Variants in SAP30BP observed in about 807,000 individuals in gnomAD.
SAP30BP encodes SAP30-binding protein.
A neutral mutation model predicts 46.3 loss-of-function variants in SAP30BP; 31 were observed. That is an observed-to-expected ratio of 0.67 (90% CI 0.50 to 0.90). The LOEUF is 0.90. Among genes scored for constraint, SAP30BP ranks in the 40% least tolerant of loss-of-function variants. The pLI, the probability that SAP30BP is intolerant of heterozygous loss-of-function variation, is 0.00. For missense variants in SAP30BP, 312 were observed against 391.0 expected (o/e 0.80, Z 1.70); for synonymous variants, 169 against 144.2 (o/e 1.17, Z -1.23).
chr17:75,705,664 T>C, intron 9 of SAP30BP: 3 of 1,117,814 alleles, frequency 2.7e-6, no homozygotes, highest in Non-Finnish European at 3.3e-6. Flanking sequence ...GTCCTTCCCC[T>C]GTGCGGGCGG....
At chr17:75,691,413 C>T (rs1178131070) in intron 3 of SAP30BP, 2 of 456,720 alleles carry the variant, frequency 4.4e-6, no homozygotes, top group Non-Finnish European at 8.8e-6. Context: ...TCAACAACCT[C>T]AGCTGAGCCT....
At chr17:75,674,598 C>T (rs2059955811) in intron 3 of SAP30BP, among the ~76,000 whole-genome samples, 1 of 150,544 alleles carries the variant, frequency 6.6e-6, no homozygotes, top group East Asian at 2.0e-4. Flanking sequence ...GCCCAGCCCA[C>T]ATTTTTTTAA....
chr17:75,669,283 G>A (rs1411488481), intron 2 of SAP30BP, among the ~76,000 whole-genome samples: 2 of 151,832 alleles, frequency 1.3e-5, no homozygotes, highest in Non-Finnish European at 2.9e-5. Flanking sequence ...TTGCTCTGTC[G>A]CCCATGCTGG....
rs2060503233 is a variant in SAP30BP, at chr17:75,706,749, G to A, written c.*228G>A. 6 of 563,258 alleles carry A rather than the reference G, an allele frequency of 1.1e-5. No homozygotes were observed. The highest frequency in any genetic ancestry group is 2.2e-5 in the South Asian group (1 of 44,918). 34.9% of individuals were successfully genotyped at this position (563,258 alleles called of 1,614,324 possible). On this transcript the variant is annotated 3_prime_UTR_variant, in exon 11 of 11. Transcript: ENST00000584667. The surrounding 1 kb of genome is among the most constrained non-coding windows in gnomAD (Gnocchi z 4.6). ...GGGTCTGCCGCCTATTAAAAGTGCC[G>A]TATTCTTACCTCTTGGCATCTCAGA...
At chr17:75,703,184 T>C (rs2060440656) in intron 6 of SAP30BP, 127 bp from the exon 7 acceptor site, 2 of 831,504 alleles carry the variant, frequency 2.4e-6, no homozygotes, top group Non-Finnish European at 3.9e-6. Flanking sequence ...TCAGGAAGCT[T>C]GCTTAGAGCA....
At chr17:75,672,154 TG>T in intron 3 of SAP30BP, 2 of 412,818 alleles carry the variant, frequency 4.8e-6, no homozygotes, top group Non-Finnish European at 9.1e-6. Context: ...GCATCCCAGA[TG>T]GGGCTTTAAG....
At chr17:75,687,963 A>T (rs1225632913) in intron 3 of SAP30BP, among the ~76,000 whole-genome samples, 1,734 of 121,372 alleles carry the variant, frequency 0.014, 42 homozygotes, top group African/African-American at 0.051. Flanking sequence ...TGTGAGAGAG[A>T]CAGAGAGAGG....
chr17:75,693,547 C>T, intron 4 of SAP30BP, 65 bp downstream of exon 4: 1 of 1,476,624 alleles, frequency 6.8e-7, no homozygotes, highest in Non-Finnish European at 9.4e-7. Context: ...GGCTTCCAGC[C>T]ATGCCAGGCC....
chr17:75,674,046 G>A (rs895882158), intron 3 of SAP30BP, among the ~76,000 whole-genome samples: 5 of 152,168 alleles, frequency 3.3e-5, no homozygotes, highest in African/African-American at 7.2e-5. Flanking sequence ...GGGTGATGGA[G>A]AAGGGTTTAG....
chr17:75,690,684 C>G (rs1209608391), intron 3 of SAP30BP: 2 of 456,544 alleles, frequency 4.4e-6, no homozygotes, highest in African/African-American at 4.0e-5. Context: ...AAGCTCGGCA[C>G]AGTGACAGAG....
At position 75,668,619 on chromosome 17, in the gene SAP30BP, A is replaced by G; in HGVS notation, c.210A>G (p.Arg70=). The G allele has an allele frequency of 6.3e-7, 1 of 1,586,572 alleles. No individual in the cohort carries two copies. The highest frequency in any genetic ancestry group is 8.6e-7 in the Non-Finnish European group (1 of 1,163,418). Residue 70 remains arginine, a synonymous_variant, in exon 2 of 11, where the codon AGA becomes AGG. Coordinates refer to ENST00000584667, the MANE Select transcript of SAP30BP (RefSeq NM_013260.8). ...AAGAAGAAGAAGATGAGAACAGTAG[A>G]CAGTCGGTAGGTAAATCTCCCAGAT... ...GYEEEEDENS[R]QSEDDDSETE...
At chr17:75,681,995 C>T (rs948106861) in intron 3 of SAP30BP, among the ~76,000 whole-genome samples, 10 of 151,524 alleles carry the variant, frequency 6.6e-5, no homozygotes, top group Middle Eastern at 3.2e-3. Context: ...CTCTGCAGAA[C>T]GAAAGAGCAA....
At chr17:75,701,955 C>T (rs909422128) in intron 5 of SAP30BP, among the ~76,000 whole-genome samples, 1 of 152,162 alleles carries the variant, frequency 6.6e-6, no homozygotes, top group African/African-American at 2.4e-5. Flanking sequence ...GTGAAAGCAG[C>T]CTGGTCTCGG....
chr17:75,674,615 G>A (rs149290119), intron 3 of SAP30BP, among the ~76,000 whole-genome samples: 1 of 148,772 alleles, frequency 6.7e-6, no homozygotes, highest in Non-Finnish European at 1.5e-5. Context: ...TTAAATTGAT[G>A]TGTAACAATA....
At chr17:75,703,983 G>C in intron 8 of SAP30BP, 124 bp downstream of exon 8, 1 of 799,290 alleles carries the variant, frequency 1.3e-6, no homozygotes. Flanking sequence ...ATGTTCAAGG[G>C]GGCTGGGTAC....
chr17:75,705,668 C>T (rs1010276771), intron 9 of SAP30BP: 10 of 1,122,970 alleles, frequency 8.9e-6, no homozygotes, highest in African/African-American at 8.1e-5. Flanking sequence ...TTCCCCTGTG[C>T]GGGCGGGCAC....
intron 3 of SAP30BP, among the ~76,000 whole-genome samples, chr17:75,687,972 G>T (rs1383290108): frequency 6.7e-6 from 1 of 149,852 alleles, no homozygotes; most frequent in Non-Finnish European, 1.5e-5. Flanking sequence ...GACAGAGAGA[G>T]GTCAGTGCTT....
In SAP30BP at chr17:75,667,490, G is replaced by GT. The variant is rs776540073; in HGVS notation, c.106+13dup. The stretch of plus-strand genomic sequence containing the variant: ...GGGCAGCGCGGCTGGTAAGGCCCAA[G>GT]TGCGAAGCTGGAAGGGGGAATCGGG... On this transcript the variant is annotated intron_variant, in intron 1 of 10. Coordinates refer to ENST00000584667, the MANE Select transcript of SAP30BP (RefSeq NM_013260.8). 1.2e-6 allele frequency: 2 copies of GT among 1,613,032 alleles called. No individual in the cohort carries two copies. The highest frequency in any genetic ancestry group is 2.7e-5 in the African/African-American group (2 of 75,044).
chr17:75,687,162 T>C (rs2060169030), intron 3 of SAP30BP, among the ~76,000 whole-genome samples: 1 of 152,224 alleles, frequency 6.6e-6, no homozygotes, highest in African/African-American at 2.4e-5. Flanking sequence ...CCTAAACTTA[T>C]TCCCCTAGAT....
Sources: allele counts gnomAD v4.1 joint callset (sites outside exome capture counted in the v4.1 genomes callset), GRCh38; gene constraint gnomAD v4.1.1; non-coding constraint Gnocchi (gnomAD v3.1); transcripts MANE v1.5; gene names NCBI Gene and HGNC (gene_info 2026-07-23, HGNC 2026-07-21).